The following FLNC variants were observed in gnomAD, a reference collection of about 807,000 sequenced individuals.
FLNC encodes the protein filamin-C.
Under a neutral mutation model 254.3 loss-of-function variants are expected in FLNC, and 91 were observed. The ratio of observed to expected loss-of-function variants is 0.36; its 90% CI spans 0.30 to 0.43. FLNC has a LOEUF of 0.43. Ranked by LOEUF, FLNC falls within the 20% of genes least tolerant of loss-of-function variation. The pLI, the probability that FLNC is intolerant of heterozygous loss-of-function variation, is 1.00. For synonymous variants in FLNC, 1,430 were observed against 1,577.2 expected (o/e 0.91, Z 2.21); for missense variants, 2,853 against 3,802.6 (o/e 0.75, Z 6.57).
In FLNC at chr7:128,853,051, G is replaced by A. The variant is rs901335169; in HGVS notation, c.6208+20G>A. On this transcript the variant is annotated intron_variant, in intron 37 of 47. Coordinates refer to ENST00000325888, the MANE Select transcript of FLNC (RefSeq NM_001458.5). ...ATGCAGGTACCTCCTGCCCCAGAGA[G>A]CCCCCATTCCAGCGGGTGCCTCCCA... 1.9e-6 allele frequency: 3 copies of A among 1,610,608 alleles called. No individual in the cohort carries two copies. Among genetic ancestry groups the A allele is most frequent in the African/African-American group, 2.7e-5 (2 of 74,832 alleles).
In FLNC at chr7:128,843,538, T is replaced by C. The variant is rs1326134089; in HGVS notation, c.2772T>C (p.His924=). 1 of 1,613,918 alleles carries C rather than the reference T, an allele frequency of 6.2e-7. No homozygotes were observed. Among genetic ancestry groups the C allele is most frequent in the Non-Finnish European group, 8.5e-7 (1 of 1,180,024 alleles). The change falls in exon 18 of 48, where the codon CAT becomes CAC. Residue 924 remains histidine (H), a synonymous_variant. Coordinates refer to ENST00000325888, the MANE Select transcript of FLNC (RefSeq NM_001458.5). ...VVRDFEIIDN[H]DYSYTVKYTA... ...GGGACTTTGAGATCATAGACAACCATGACTACTCCTACACTGTCAAGTACA... is the reference window on the plus strand; with the variant it reads ...GGGACTTTGAGATCATAGACAACCACGACTACTCCTACACTGTCAAGTACA...
chr7:128,857,097 C>T lies in FLNC; in HGVS notation c.7562-21C>T. 1 of 1,611,872 alleles carries T rather than the reference C, an allele frequency of 6.2e-7. No homozygotes were observed. The highest frequency in any genetic ancestry group is 1.3e-5 in the African/African-American group (1 of 75,012). On this transcript the variant is annotated intron_variant, in intron 45 of 47. Coordinates refer to ENST00000325888, the MANE Select transcript of FLNC (RefSeq NM_001458.5). The surrounding 1 kb of genome is among the most constrained non-coding windows in gnomAD (Gnocchi z 4.5). ...GCCACAAGCCCTTCCTGCCCTCAGC[C>T]TTGCTACCTCTGGCCCCCAGGTGTG...
In FLNC at chr7:128,854,812, G is replaced by A; in HGVS notation, c.7035G>A (p.Gly2345=). Residue 2345 remains glycine, a synonymous_variant, in exon 42 of 48, where the codon GGG becomes GGA. Transcript: ENST00000325888. ...TCTGGACCCGGGAGGCTGGCGCTGG[G>A]GGCCTGTCCATTGCTGTGGAGGGTC... ...FSIWTREAGA[G]GLSIAVEGPS... 1 of 1,614,176 alleles carries A rather than the reference G, an allele frequency of 6.2e-7. No homozygotes were observed. The highest frequency in any genetic ancestry group is 1.1e-5 in the South Asian group (1 of 91,084).
chr7:128,846,153 C>T lies in FLNC; in HGVS notation c.3954C>T (p.Ala1318=). 6.2e-7 allele frequency: 1 copy of T among 1,613,982 alleles called. No individual in the cohort carries two copies. Among genetic ancestry groups the T allele is most frequent in the Non-Finnish European group, 8.5e-7 (1 of 1,179,954 alleles). ...GDGTYRVQYT[A]YEEGVHLVEV... Reference sequence around the variant, plus strand: ...GCACCTACCGAGTGCAGTACACCGCCTACGAGGAGGGTGAGGGCCGGTGGG... The same window carrying T: ...GCACCTACCGAGTGCAGTACACCGCTTACGAGGAGGGTGAGGGCCGGTGGG... The change falls in exon 22 of 48, where the codon GCC becomes GCT. Residue 1318 remains alanine, a synonymous_variant. Transcript: ENST00000325888.
chr7:128,850,518 G>C, intron 32 of FLNC, 35 bp downstream of exon 32: 3 of 1,535,098 alleles, frequency 2.0e-6, no homozygotes, highest in Non-Finnish European at 2.7e-6. Context: ...TGAGGGCTGA[G>C]GGGAGAAACC....
Position 128,840,670 on chromosome 7 carries a change from C to T in FLNC, c.1672C>T (p.Arg558Cys), listed in dbSNP as rs370326975. The T allele has an allele frequency of 6.8e-6, 11 of 1,613,090 alleles. No homozygotes were observed. Among genetic ancestry groups the T allele is most frequent in the East Asian group, 2.2e-5 (1 of 44,884 alleles). ...CACGTGGGGCGGCTACGCCATCCCT[C>T]GCAGGTGAGTACCTTGCGCCCCCCA... ...TITWGGYAIPRSPFEVQVSPE... is the reference protein window; with the variant it reads ...TITWGGYAIPCSPFEVQVSPE... The change falls in exon 10 of 48, where the codon CGC becomes TGC. Residue 558 changes from arginine to cysteine, a missense_variant. Arg to Cys is a radical substitution (Grantham distance 180). Around this residue, in one of 10 missense-constraint regions of FLNC, gnomAD observed 1,573 missense variants for 1,883.5 expected, o/e 0.84. Transcript: ENST00000325888.
In FLNC at chr7:128,842,897, C is replaced by A. The variant is rs374188734; in HGVS notation, c.2493C>A (p.Val831=). The change falls in exon 16 of 48, where the codon GTC becomes GTA. Residue 831 remains valine, a synonymous_variant. Coordinates refer to ENST00000325888, the MANE Select transcript of FLNC (RefSeq NM_001458.5). The surrounding 1 kb of genome is among the most constrained non-coding windows in gnomAD (Gnocchi z 5.4). ...IIKNDNDTFT[V]KYTPPGAGRY... ...AGAATGACAACGACACCTTCACCGT[C>A]AAGTACACGCCACCAGGGGCGGGCC... is the stretch of plus-strand genomic sequence containing the variant. The A allele has an allele frequency of 1.9e-6, 3 of 1,613,952 alleles. No individual in the cohort carries two copies. In the African/African-American group the frequency reaches 4.0e-5, roughly 22 times the overall value.
Position 128,840,566 on chromosome 7 carries a change from T to C in FLNC, c.1568T>C (p.Val523Ala), listed in dbSNP as rs182845462. ...VKGPKGTEEP[V>A]KVREAGDGVF... ...TCCTCAGAGGGCACAGAGGAGCCAG[T>C]GAAGGTGCGGGAGGCTGGGGATGGT... Residue 523 changes from valine (V) to alanine (A), a missense_variant, in exon 10 of 48, where the codon GTG (valine) becomes GCG (alanine). By Grantham distance (64) the Val-to-Ala change is moderately conservative. Transcript: ENST00000325888. The C allele has an allele frequency of 1.8e-4, 296 of 1,614,134 alleles. No individual in the cohort carries two copies. Among genetic ancestry groups the C allele is most frequent in the Admixed American group, 4.8e-4 (29 of 60,014 alleles).
chr7:128,855,007 A>G, intron 42 of FLNC, 95 bp downstream of exon 42: 1 of 1,393,974 alleles, frequency 7.2e-7, no homozygotes, highest in African/African-American at 1.4e-5. Flanking sequence ...GGGGCCACAG[A>G]ACTCCCCTCC....
At chr7:128,852,417 C>G (rs561285114) in intron 35 of FLNC, among the ~76,000 whole-genome samples, 174 bp from the exon 36 acceptor site, 155 of 151,588 alleles carry the variant, frequency 1.0e-3, no homozygotes, top group African/African-American at 3.6e-3. Context: ...TAGTCTCTGG[C>G]AGCTCACATG....
rs777004360 is a variant in FLNC at position 128,846,102 on chromosome 7, C to T, written c.3903C>T (p.Asp1301=). ...TCAACCCCTCGGGGGCCAAGACAGA[C>T]ACCTATGTGACAGACAATGGGGACG... ...RVLNPSGAKT[D]TYVTDNGDGT... is the part of the protein sequence containing the mutation. The change falls in exon 22 of 48, where the codon GAC becomes GAT. Residue 1301 remains aspartate, a synonymous_variant. Transcript: ENST00000325888. 6.2e-7 allele frequency: 1 copy of T among 1,614,022 alleles called. No individual in the cohort carries two copies. Among genetic ancestry groups the T allele is most frequent in the Non-Finnish European group, 8.5e-7 (1 of 1,180,018 alleles).
chr7:128,843,738 C>G (rs1189527481), intron 18 of FLNC, 58 bp from the exon 19 acceptor site: 12 of 1,542,902 alleles, frequency 7.8e-6, no homozygotes, highest in South Asian at 1.1e-5. Context: ...TATTCACCAC[C>G]AGGATGTTGT....
chr7:128,834,270 C>T (rs1357880400), intron 1 of FLNC, among the ~76,000 whole-genome samples: 1 of 150,830 alleles, frequency 6.6e-6, no homozygotes, highest in Non-Finnish European at 1.5e-5. Flanking sequence ...CCACCCCAGG[C>T]TTCTGGATAT....
chr7:128,855,075 A>T (rs1158712883), intron 42 of FLNC, 124 bp from the exon 43 acceptor site: 6 of 1,043,604 alleles, frequency 5.7e-6, no homozygotes, highest in Non-Finnish European at 7.5e-6. Flanking sequence ...CCTCAGAAAC[A>T]TGTGTCTGCC....
intron 42 of FLNC, 96 bp from the exon 43 acceptor site, chr7:128,855,103 A>T: frequency 9.2e-7 from 1 of 1,090,220 alleles, no homozygotes; most frequent in Non-Finnish European, 1.4e-6. Flanking sequence ...CTGAGCGCTG[A>T]CCACAGAGCC....
At position 128,858,404 on chromosome 7, in the gene FLNC, A is replaced by G. The variant is rs369110441; in HGVS notation, c.8059A>G (p.Met2687Val). The G allele has an allele frequency of 5.6e-6, 9 of 1,603,686 alleles. No homozygotes were observed. The highest frequency in any genetic ancestry group is 6.0e-6 in the Non-Finnish European group (7 of 1,171,210). ...CTGTGAGGAGGTGTACGTGAAGCAC[A>G]TGGGGAACCGGGTGTACAATGTCAC... The part of the protein sequence containing the change: ...TPCEEVYVKH[M>V]GNRVYNVTYT... Residue 2687 changes from methionine to valine, a missense_variant, in exon 48 of 48, where the codon ATG becomes GTG. Coordinates refer to ENST00000325888, the MANE Select transcript of FLNC (RefSeq NM_001458.5). The surrounding 1 kb of genome is among the most constrained non-coding windows in gnomAD (Gnocchi z 6.7).
rs910678755 is a variant in FLNC at position 128,838,784 on chromosome 7, C to T, written c.1392C>T (p.Phe464=). 25 of 1,612,924 alleles carry T rather than the reference C, an allele frequency of 1.5e-5. No homozygotes were observed. Among genetic ancestry groups the T allele is most frequent in the Non-Finnish European group, 2.0e-5 (24 of 1,179,946 alleles). ...GTGCCCCCATCACCCGCAGTCCCTT[C>T]CCTGTCCATGTGTCGGAAGGTAAGG... ...FAGAPITRSP[F]PVHVSEACNP... Residue 464 remains phenylalanine (F), a synonymous_variant, in exon 8 of 48, where the codon TTC becomes TTT. Transcript: ENST00000325888.
In FLNC at chr7:128,840,971, G is replaced by C; in HGVS notation, c.1813+1G>C. 6.3e-7 allele frequency: 1 copy of C among 1,591,172 alleles called. No homozygotes were observed. Among genetic ancestry groups the C allele is most frequent in the Non-Finnish European group, 8.6e-7 (1 of 1,168,768 alleles). ...ATTGGCACCGAGGTGGGGACACTGG[G>C]TAAGTGGCTGGGGGGCAGGAGGAGG... On this transcript the variant is annotated splice_donor_variant, in intron 11 of 47. Coordinates refer to ENST00000325888, the MANE Select transcript of FLNC (RefSeq NM_001458.5). LOFTEE classifies it high-confidence loss of function.
In FLNC at chr7:128,852,580, T is replaced by A; in HGVS notation, c.5843-11T>A. The A allele has an allele frequency of 6.2e-7, 1 of 1,612,832 alleles. No homozygotes were observed. On this transcript the variant is annotated splice_polypyrimidine_tract_variant and intron_variant, in intron 35 of 47. Transcript: ENST00000325888. ...AGTCATAGCAGCCTGATGCCCCAAC[T>A]CCCCCACCAGGTGATGACTCCATGA...
Sources: allele counts gnomAD v4.1 joint callset (sites outside exome capture counted in the v4.1 genomes callset), GRCh38; gene constraint gnomAD v4.1.1; regional missense constraint gnomAD v4.1.1; non-coding constraint Gnocchi (gnomAD v3.1); transcripts MANE v1.5; gene names NCBI Gene and HGNC (gene_info 2026-07-23, HGNC 2026-07-21).